OR13G1: variants seen among roughly 807,000 people sequenced by gnomAD.
OR13G1 encodes olfactory receptor family 13 subfamily G member 1, also known as olfactory receptor 13G1.
For missense variants in OR13G1, 369 were observed against 385.7 expected, an observed-to-expected ratio of 0.96 and a Z score of 0.36; for synonymous variants, 128 against 136.2, an observed-to-expected ratio of 0.94 and a Z score of 0.42.
chr1:247,679,351 A>C (rs1358881409), intron 1 of OR13G1, among the ~76,000 whole-genome samples: 1 of 152,172 alleles, frequency 6.6e-6, no homozygotes, highest in Non-Finnish European at 1.5e-5. Flanking sequence ...TTAAACTCCA[A>C]CTTTTGCATA....
At chr1:247,674,803 T>C (rs1659309814) in intron 1 of OR13G1, among the ~76,000 whole-genome samples, 2 of 152,186 alleles carry the variant, frequency 1.3e-5, no homozygotes, top group South Asian at 4.1e-4. Flanking sequence ...ACCTAGATCA[T>C]CTGACTCCAA....
chr1:247,679,487 TG>T (rs1659421816), intron 1 of OR13G1, among the ~76,000 whole-genome samples, 152 bp downstream of exon 1: 1 of 5,910 alleles, frequency 1.7e-4, no homozygotes, highest in African/African-American at 1.2e-3. Flanking sequence ...GCGGATGGAT[TG>T]TGTGTGTGTG....
chr1:247,677,924 G>A (rs1659382474), intron 1 of OR13G1, among the ~76,000 whole-genome samples: 1 of 152,074 alleles, frequency 6.6e-6, no homozygotes, highest in African/African-American at 2.4e-5. Flanking sequence ...GACTAACATG[G>A]AGAAACCCCA....
intron 1 of OR13G1, among the ~76,000 whole-genome samples, chr1:247,677,059 A>G (rs903267923): frequency 2.6e-5 from 4 of 152,240 alleles, no homozygotes; most frequent in Admixed American, 2.6e-4. Context: ...GGAGTTTGAA[A>G]CCAGCCTTGG....
intron 1 of OR13G1, among the ~76,000 whole-genome samples, chr1:247,674,856 A>C (rs1050498793): frequency 2.6e-5 from 4 of 152,204 alleles, no homozygotes; most frequent in Admixed American, 1.3e-4. Context: ...TTCAAGCAAA[A>C]CACAAAATAA....
At chr1:247,679,489 TG>T (rs1659421918) in intron 1 of OR13G1, among the ~76,000 whole-genome samples, 150 bp downstream of exon 1, 1 of 21,330 alleles carries the variant, frequency 4.7e-5, no homozygotes, top group African/African-American at 2.2e-4. Flanking sequence ...GGATGGATTG[TG>T]TGTGTGTGTG....
At position 247,672,405 on chromosome 1, in the gene OR13G1, T is replaced by C. The variant is rs1406791852; in HGVS notation, c.637A>G (p.Ile213Val). 1.2e-6 allele frequency: 2 copies of C among 1,614,120 alleles called. No individual in the cohort carries two copies. The highest frequency in any genetic ancestry group is 1.7e-5 in the Admixed American group (1 of 59,984). Residue 213 changes from isoleucine (I) to valine (V), a missense_variant, in exon 2 of 2, where the codon ATC (isoleucine) becomes GTC (valine). Transcript: ENST00000642119. ...GCAACAATGATAAAACCATAGGAGA[T>C]GCAGGTAAGAATAAAGTCCCCTATG... Reference protein sequence around the residue: ...LAIGDFILTCISYGFIIVAIL... With the variant: ...LAIGDFILTCVSYGFIIVAIL...
At position 247,672,616 on chromosome 1, in the gene OR13G1, G is replaced by A; in HGVS notation, c.426C>T (p.Leu142=). ...IMNHHMCVAL[L]SMVMAIAVTN... ...TGACTGCAATAGCCATGACCATGCTGAGCAAGGCTACACACATATGGTGGT... is the reference window on the plus strand; with the variant it reads ...TGACTGCAATAGCCATGACCATGCTAAGCAAGGCTACACACATATGGTGGT... The change falls in exon 2 of 2, where the codon CTC becomes CTT. Residue 142 remains leucine, a synonymous_variant. Transcript: ENST00000642119. 6.2e-7 allele frequency: 1 copy of A among 1,614,040 alleles called. No homozygotes were observed. Among genetic ancestry groups the A allele is most frequent in the African/African-American group, 1.3e-5 (1 of 75,026 alleles).
chr1:247,678,289 C>T (rs899677542), intron 1 of OR13G1, among the ~76,000 whole-genome samples: 8 of 152,160 alleles, frequency 5.3e-5, no homozygotes, highest in African/African-American at 1.9e-4. Flanking sequence ...CCTATGTCAA[C>T]TCCAACAGCA....
rs1379195263 is a variant in OR13G1 at position 247,672,036 on chromosome 1, G to C, written c.*82C>G. On this transcript the variant is annotated 3_prime_UTR_variant, in exon 2 of 2. Transcript: ENST00000642119. Reference sequence around the variant, plus strand: ...GAGGGAAGGGAAAATTGGAGTGGAGGTAAGTATGAAAAACCAGTAAAATCT... The same window carrying C: ...GAGGGAAGGGAAAATTGGAGTGGAGCTAAGTATGAAAAACCAGTAAAATCT... 5 of 1,147,804 alleles carry C rather than the reference G, an allele frequency of 4.4e-6. No homozygotes were observed. In the South Asian group the frequency reaches 6.0e-5, roughly 14 times the overall value. 71.1% of individuals were successfully genotyped at this position (1,147,804 alleles called of 1,614,324 possible).
In OR13G1 at chr1:247,672,220, G is replaced by C; in HGVS notation, c.822C>G (p.Leu274=). ...TTAATGTGGGAGTCACAAGAGTATA[G>C]AGTGCAGCTACCACCTTGTCTCTTT... The part of the protein sequence containing the change: ...TFERDKVVAA[L]YTLVTPTLNP... Residue 274 remains leucine, a synonymous_variant, in exon 2 of 2, where the codon CTC becomes CTG. Transcript: ENST00000642119. 4 of 1,614,056 alleles carry C rather than the reference G, an allele frequency of 2.5e-6. No homozygotes were observed. The highest frequency in any genetic ancestry group is 1.7e-6 in the Non-Finnish European group (2 of 1,179,958).
intron 1 of OR13G1, among the ~76,000 whole-genome samples, chr1:247,679,024 C>CTTT (rs5782439): frequency 8.7e-5 from 13 of 149,596 alleles, no homozygotes; most frequent in African/African-American, 2.2e-4. Flanking sequence ...TGGAAGAAAT[C>CTTT]TTTTTTTTTT....
intron 1 of OR13G1, 59 bp from the exon 2 acceptor site, chr1:247,673,338 C>A (rs1659248819): frequency 8.7e-6 from 3 of 343,612 alleles, no homozygotes; most frequent in Non-Finnish European, 1.6e-5. Flanking sequence ...ATTTTGATAT[C>A]ATTTTCACTT....
intron 1 of OR13G1, among the ~76,000 whole-genome samples, chr1:247,676,178 G>A (rs1156414741): frequency 3.3e-5 from 5 of 152,054 alleles, no homozygotes; most frequent in East Asian, 3.8e-4. Context: ...TAAACTCACC[G>A]AGATTCTTTG....
chr1:247,671,869 C>T lies in OR13G1; in HGVS notation c.*249G>A, dbSNP rs1191163345. On this transcript the variant is annotated 3_prime_UTR_variant, in exon 2 of 2. Transcript: ENST00000642119. ...ATATATAAGTATTCGAAGTTATGTA[C>T]ATATTTTTGGAAAATGTTGGAATAT... is the stretch of plus-strand genomic sequence containing the variant. The T allele has an allele frequency of 6.4e-6, 3 of 470,814 alleles. No individual in the cohort carries two copies. Among genetic ancestry groups the T allele is most frequent in the Non-Finnish European group, 1.1e-5 (3 of 267,616 alleles). The allele number at this position is 470,814 out of a possible 1,614,324, so 29.2% of individuals were successfully genotyped here. A position where few individuals can be genotyped will look rare whatever the true frequency, so the allele number is the denominator to read the frequency against.
In OR13G1 at chr1:247,672,888, AGGTGT is replaced by A. The variant is rs1232057105; in HGVS notation, c.149_153del (p.Asn50IlefsTer57). ...AGGAAAACATACATGGGCGTATGCA[AGGTGT>A]TGTTATAGATTTTGGCAATGATGAT... On this transcript the variant is annotated frameshift_variant, in exon 2 of 2. Coordinates refer to ENST00000642119, the MANE Select transcript of OR13G1 (RefSeq NM_001005487.2). LOFTEE classifies it low-confidence loss of function (END_TRUNC). The A allele has an allele frequency of 6.2e-7, 1 of 1,613,958 alleles. No individual in the cohort carries two copies. Among genetic ancestry groups the A allele is most frequent in the Non-Finnish European group, 8.5e-7 (1 of 1,179,994 alleles).
intron 1 of OR13G1, among the ~76,000 whole-genome samples, chr1:247,676,141 C>T (rs1395210419): frequency 6.6e-6 from 1 of 151,938 alleles, no homozygotes; most frequent in Non-Finnish European, 1.5e-5. Context: ...CAGTCCATCC[C>T]CATTGGTTAA....
At chr1:247,677,722 GAACACCA>G (rs1231246345) in intron 1 of OR13G1, among the ~76,000 whole-genome samples, 3 of 152,148 alleles carry the variant, frequency 2.0e-5, no homozygotes, top group African/African-American at 7.2e-5. Context: ...ACTTACTTTA[GAACACCA>G]AACATTTACT....
At position 247,672,979 on chromosome 1, in the gene OR13G1, C is replaced by A; in HGVS notation, c.63G>T (p.Gln21His). ...TGAGAAAAAAGAGGAAGATAATTCC[C>A]TGGAGTTCAGGCTTTTTGGTGAGGC... is the stretch of plus-strand genomic sequence containing the variant. ...ILGLTKKPEL[Q>H]GIIFLFFLIV... Residue 21 changes from glutamine to histidine, a missense_variant, in exon 2 of 2, where the codon CAG becomes CAT. By Grantham distance (24) the Gln-to-His change is conservative. Coordinates refer to ENST00000642119, the MANE Select transcript of OR13G1 (RefSeq NM_001005487.2). 1 of 1,613,958 alleles carries A rather than the reference C, an allele frequency of 6.2e-7. No homozygotes were observed. Among genetic ancestry groups the A allele is most frequent in the South Asian group, 1.1e-5 (1 of 91,066 alleles).
Sources: gnomAD v4.1 joint callset for allele counts (sites outside exome capture counted in the v4.1 genomes callset) on GRCh38, gnomAD v4.1.1 for gene constraint, MANE v1.5 for transcripts, NCBI Gene and HGNC (gene_info 2026-07-23, HGNC 2026-07-21) for gene names.